Variants in SCARA5 observed in about 807,000 individuals in gnomAD.
SCARA5 encodes scavenger receptor class A member 5, also known as scavenger receptor class A, member 5 (putative).
A neutral mutation model predicts 46.3 loss-of-function variants in SCARA5; 45 were observed. The observed-to-expected ratio is 0.97, with a 90% CI of 0.76 to 1.24. The LOEUF is 1.24. SCARA5 is among the 50% of genes most tolerant of loss of function. The pLI is 0.00. For synonymous variants in SCARA5, 333 were observed against 306.5 expected, an observed-to-expected ratio of 1.09 and a Z score of -0.90; for missense variants, 680 against 689.0, an observed-to-expected ratio of 0.99 and a Z score of 0.15.
chr8:27,884,744 G>A (rs1054433807), intron 7 of SCARA5, among the ~76,000 whole-genome samples: 3 of 152,234 alleles, frequency 2.0e-5, no homozygotes, highest in Non-Finnish European at 2.9e-5. Context: ...GTGACTGAGA[G>A]TCTATCAGAC....
chr8:27,894,921 C>T (rs1807039373), intron 7 of SCARA5, among the ~76,000 whole-genome samples: 1 of 152,172 alleles, frequency 6.6e-6, no homozygotes, highest in Non-Finnish European at 1.5e-5. Flanking sequence ...GAATGGGACT[C>T]ACAGCATTTG....
At chr8:27,888,690 A>G (rs1806935554) in intron 7 of SCARA5, among the ~76,000 whole-genome samples, 1 of 152,226 alleles carries the variant, frequency 6.6e-6, no homozygotes, top group Non-Finnish European at 1.5e-5. Context: ...CATGCCAGGC[A>G]AGAAGATCCC....
intron 3 of SCARA5, among the ~76,000 whole-genome samples, chr8:27,943,303 C>A (rs2129877256): frequency 6.6e-6 from 1 of 152,286 alleles, no homozygotes; most frequent in East Asian, 1.9e-4. Flanking sequence ...ACAAACCAGG[C>A]ATGGTGGTGT....
intron 6 of SCARA5, 44 bp downstream of exon 6, chr8:27,907,104 T>TG (rs1421046401): frequency 1.5e-5 from 22 of 1,448,400 alleles, no homozygotes; most frequent in Non-Finnish European, 2.1e-5. Flanking sequence ...ATGTGCTGCC[T>TG]GGGACTGGTG....
intron 7 of SCARA5, among the ~76,000 whole-genome samples, chr8:27,897,748 C>T (rs1585471982): frequency 6.6e-6 from 1 of 152,370 alleles, no homozygotes; most frequent in East Asian, 1.9e-4. Flanking sequence ...GAAATGCCCC[C>T]ACTAGATAAG....
chr8:27,952,867 C>A (rs2685414), intron 3 of SCARA5, among the ~76,000 whole-genome samples: 1 of 152,074 alleles, frequency 6.6e-6, no homozygotes, highest in African/African-American at 2.4e-5. Context: ...TGGAACCAAG[C>A]ACAGGCCAAG....
intron 8 of SCARA5, among the ~76,000 whole-genome samples, chr8:27,874,776 G>A (rs1296797513): frequency 1.3e-5 from 2 of 152,198 alleles, no homozygotes; most frequent in Non-Finnish European, 2.9e-5. Flanking sequence ...TCTGTCTGAT[G>A]TGCAGCAATC....
intron 3 of SCARA5, among the ~76,000 whole-genome samples, chr8:27,939,744 G>C (rs1375121203): frequency 6.6e-6 from 1 of 152,186 alleles, no homozygotes; most frequent in African/African-American, 2.4e-5. Flanking sequence ...GCTGGGGACT[G>C]CATGTATTAT....
intron 4 of SCARA5, among the ~76,000 whole-genome samples, chr8:27,920,970 C>T (rs967807130): frequency 2.3e-4 from 35 of 151,944 alleles, no homozygotes; most frequent in Middle Eastern, 3.4e-3. Context: ...AGCGAGACTC[C>T]GTCTCAAAAA....
intron 3 of SCARA5, among the ~76,000 whole-genome samples, chr8:27,945,386 C>T (rs1479421290): frequency 6.6e-6 from 1 of 152,166 alleles, no homozygotes; most frequent in Non-Finnish European, 1.5e-5. Flanking sequence ...GTGGCTTCCC[C>T]ATTTGTGGGG....
chr8:27,957,010 T>A (rs1238804937), intron 3 of SCARA5, among the ~76,000 whole-genome samples: 1 of 152,140 alleles, frequency 6.6e-6, no homozygotes, highest in Non-Finnish European at 1.5e-5. Flanking sequence ...AAAATCTGCC[T>A]GGTAGCTCTG....
intron 8 of SCARA5, 130 bp from the exon 9 acceptor site, chr8:27,872,200 T>G: frequency 1.2e-6 from 1 of 806,358 alleles, no homozygotes; most frequent in Admixed American, 2.4e-5. Flanking sequence ...CCAGCTGCCC[T>G]CTCCACGCCC....
In SCARA5 at chr8:27,905,747, C is replaced by CT. The variant is rs1319551826; in HGVS notation, c.1097-914_1097-913insA. Among the ~76,000 whole-genome samples, 2 of 144,420 alleles carry CT rather than the reference C, an allele frequency of 1.4e-5. 1 individual carries two copies. Among genetic ancestry groups the CT allele is most frequent in the Middle Eastern group, 6.8e-3 (2 of 294 alleles). The allele number at this position is 144,420 out of a possible 152,430, so 94.7% of individuals were successfully genotyped here. ...TGAGACAGGGTCTCACTCTGTCACC[C>CT]AGGCCCAGGCGGGAGTGCAGTGGTG... On this transcript the variant is annotated intron_variant, in intron 6 of 8. Transcript: ENST00000354914.
Position 27,966,548 on chromosome 8 carries a change from CA to C in SCARA5, c.113-7del. The C allele has an allele frequency of 6.2e-7, 1 of 1,602,286 alleles. No individual in the cohort carries two copies. The highest frequency in any genetic ancestry group is 8.5e-7 in the Non-Finnish European group (1 of 1,176,810). On this transcript the variant is annotated splice_region_variant and splice_polypyrimidine_tract_variant and intron_variant, in intron 2 of 8. Transcript: ENST00000354914. ...CCGCCGTTTGTGACATGGACCTGGA[CA>C]ATAAGGGTAAGAGGAGGAAGGAAAG...
chr8:27,971,236 G>A (rs1563542230), intron 2 of SCARA5, among the ~76,000 whole-genome samples: 2 of 152,220 alleles, frequency 1.3e-5, no homozygotes, highest in South Asian at 2.1e-4. Flanking sequence ...GGAAGGGAGC[G>A]GTGACACAAG....
At chr8:27,892,095 C>T (rs978450929) in intron 7 of SCARA5, among the ~76,000 whole-genome samples, 1 of 152,236 alleles carries the variant, frequency 6.6e-6, no homozygotes, top group East Asian at 1.9e-4. Context: ...AGGGCCACCT[C>T]TCCCAGCAGT....
chr8:27,877,499 A>G (rs1261162378), intron 8 of SCARA5, among the ~76,000 whole-genome samples: 1 of 152,222 alleles, frequency 6.6e-6, no homozygotes, highest in African/African-American at 2.4e-5. Flanking sequence ...TGGCAGAGTC[A>G]GGCTAACATG....
chr8:27,941,282 T>C lies in SCARA5; in HGVS notation c.242-19037A>G, dbSNP rs145227363. On this transcript the variant is annotated intron_variant, in intron 3 of 8. Coordinates refer to ENST00000354914, the MANE Select transcript of SCARA5 (RefSeq NM_173833.6). The stretch of plus-strand genomic sequence containing the variant: ...GGTTGGGTCCTTAGACACAGTTAGT[T>C]AGATTAGAAAGAAAGGAATGTTGAC... Among the ~76,000 whole-genome samples, 1,330 of 152,274 alleles carry C rather than the reference T, an allele frequency of 8.7e-3. 21 individuals are homozygous for C. The highest frequency in any genetic ancestry group is 0.031 in the African/African-American group (1,278 of 41,550).
chr8:27,960,349 T>A (rs554333407), intron 3 of SCARA5, among the ~76,000 whole-genome samples: 177 of 152,194 alleles, frequency 1.2e-3, no homozygotes, highest in Non-Finnish European at 2.0e-3. Context: ...GCTCATTTTT[T>A]AATTATTCGT....
Sources: allele counts gnomAD v4.1 joint callset (sites outside exome capture counted in the v4.1 genomes callset), GRCh38; gene constraint gnomAD v4.1.1; transcripts MANE v1.5; gene names NCBI Gene and HGNC (gene_info 2026-07-23, HGNC 2026-07-21).